MALRD1: variants seen among roughly 807,000 people sequenced by gnomAD.
MALRD1 encodes the protein MAM and LDL receptor class A domain containing 1, also known as MAM and LDL-receptor class A domain-containing protein 1.
A neutral mutation model predicts 242.1 loss-of-function variants in MALRD1; 247 were observed. The ratio of observed to expected loss-of-function variants is 1.02; its 90% CI spans 0.92 to 1.13. MALRD1 has a LOEUF of 1.13. Among genes scored for constraint, MALRD1 ranks in the 50% most tolerant of loss-of-function variants. The pLI, the probability that MALRD1 is intolerant of heterozygous loss-of-function variation, is 0.00. For synonymous variants in MALRD1, 995 were observed against 866.6 expected (o/e 1.15, Z -2.60); for missense variants, 2,989 against 2,533.1 (o/e 1.18, Z -3.86).
At chr10:19,285,308 T>C (rs1841052271) in intron 21 of MALRD1, among the ~76,000 whole-genome samples, 3 of 139,660 alleles carry the variant, frequency 2.1e-5, no homozygotes, top group Admixed American at 1.5e-4. Flanking sequence ...TTTGGTGTTT[T>C]GGACATGAAG....
At chr10:19,391,859 A>G (rs1299895635) in intron 28 of MALRD1, among the ~76,000 whole-genome samples, 2 of 152,190 alleles carry the variant, frequency 1.3e-5, no homozygotes, top group Non-Finnish European at 2.9e-5. Context: ...AGATCTTCAG[A>G]AAAGGGACTG....
chr10:19,330,159 T>A (rs1380424213), intron 23 of MALRD1, among the ~76,000 whole-genome samples: 2 of 151,992 alleles, frequency 1.3e-5, no homozygotes, highest in East Asian at 3.9e-4. Context: ...TTACTAATAT[T>A]TTTTTTCTTT....
At chr10:19,516,476 T>C (rs1278044723) in intron 31 of MALRD1, among the ~76,000 whole-genome samples, 24 of 152,220 alleles carry the variant, frequency 1.6e-4, no homozygotes, top group Non-Finnish European at 1.5e-5. Flanking sequence ...TGAAACTCAC[T>C]AATTTATTAA....
Position 19,631,421 on chromosome 10 carries a change from T to C in MALRD1, c.6137+15498T>C, listed in dbSNP as rs1022464030. Among the ~76,000 whole-genome samples, 34 of 152,212 alleles carry C rather than the reference T, an allele frequency of 2.2e-4. 1 individual carries two copies. The highest frequency in any genetic ancestry group is 8.2e-4 in the African/African-American group (34 of 41,458). ...GATTGGCATGTAAGTTGATCCCATA[T>C]CTTTGATATTGTGAATAGTGCTATA... On this transcript the variant is annotated intron_variant, in intron 36 of 39. Transcript: ENST00000454679.
intron 28 of MALRD1, among the ~76,000 whole-genome samples, chr10:19,395,095 T>C (rs572541058): frequency 9.2e-5 from 14 of 152,308 alleles, no homozygotes; most frequent in Admixed American, 2.6e-4. Flanking sequence ...ATCTTAGCAG[T>C]GTAATCTGCA....
chr10:19,415,335 CT>C (rs1034031848), intron 28 of MALRD1, among the ~76,000 whole-genome samples: 2 of 152,140 alleles, frequency 1.3e-5, no homozygotes, highest in Non-Finnish European at 2.9e-5. Flanking sequence ...GTTGCATAAA[CT>C]TTTCCTAAAA....
intron 29 of MALRD1, among the ~76,000 whole-genome samples, chr10:19,455,406 C>T (rs72784352): frequency 0.15 from 23,107 of 152,120 alleles, 2,085 homozygotes; most frequent in Middle Eastern, 0.23. Flanking sequence ...TTTATGTCAG[C>T]TGTTAATATC....
chr10:19,592,809 G>A (rs1279639856), intron 33 of MALRD1, among the ~76,000 whole-genome samples: 1 of 148,634 alleles, frequency 6.7e-6, no homozygotes, highest in Non-Finnish European at 1.5e-5. Context: ...ATAGGAACTG[G>A]GAAACATAAA....
intron 28 of MALRD1, among the ~76,000 whole-genome samples, chr10:19,402,588 G>A (rs554639570): frequency 7.6e-4 from 115 of 152,068 alleles, no homozygotes; most frequent in African/African-American, 2.7e-3. Flanking sequence ...ACCCACTCTT[G>A]GGTATGTCTT....
intron 36 of MALRD1, among the ~76,000 whole-genome samples, chr10:19,629,211 G>T (rs140180405): frequency 2.6e-4 from 40 of 152,296 alleles, no homozygotes; most frequent in African/African-American, 9.4e-4. Flanking sequence ...AGCATTCACA[G>T]TTGGTGCCTT....
intron 18 of MALRD1, among the ~76,000 whole-genome samples, chr10:19,225,214 T>C (rs1278252094): frequency 6.6e-6 from 1 of 152,168 alleles, no homozygotes; most frequent in Non-Finnish European, 1.5e-5. Flanking sequence ...TGAAGTCTGC[T>C]ATGGTTAAGG....
chr10:19,398,255 G>T (rs1846675860), intron 28 of MALRD1, among the ~76,000 whole-genome samples: 1 of 152,048 alleles, frequency 6.6e-6, no homozygotes, highest in Admixed American at 6.6e-5. Flanking sequence ...ATGTCATGAA[G>T]CATTTCTTCA....
intron 28 of MALRD1, among the ~76,000 whole-genome samples, chr10:19,431,063 T>C (rs1046540345): frequency 2.0e-5 from 3 of 152,224 alleles, no homozygotes; most frequent in Admixed American, 6.5e-5. Context: ...GTTACATAGA[T>C]AAATGTGTGC....
intron 38 of MALRD1, among the ~76,000 whole-genome samples, chr10:19,714,874 A>C (rs989064678): frequency 6.6e-6 from 1 of 152,124 alleles, no homozygotes; most frequent in South Asian, 2.1e-4. Context: ...TTGTGAAACT[A>C]TCACCCCTAC....
chr10:19,585,892 T>G (rs1837367214), intron 33 of MALRD1, among the ~76,000 whole-genome samples: 1 of 152,344 alleles, frequency 6.6e-6, no homozygotes, highest in Non-Finnish European at 1.5e-5. Context: ...TCTTTTCACA[T>G]AGTCCCATAT....
chr10:19,685,132 A>C (rs1488030865), intron 36 of MALRD1, among the ~76,000 whole-genome samples: 2 of 152,236 alleles, frequency 1.3e-5, no homozygotes, highest in Non-Finnish European at 2.9e-5. Flanking sequence ...CACATGGTCC[A>C]TAAATGCCCA....
intron 14 of MALRD1, among the ~76,000 whole-genome samples, chr10:19,188,349 A>T (rs1368218840): frequency 6.6e-6 from 1 of 152,206 alleles, no homozygotes; most frequent in Non-Finnish European, 1.5e-5. Context: ...GGTCATTTAG[A>T]GAAGGGCTCA....
chr10:19,438,105 C>T (rs983676263), intron 28 of MALRD1, among the ~76,000 whole-genome samples: 13 of 152,146 alleles, frequency 8.5e-5, no homozygotes, highest in African/African-American at 3.1e-4. Flanking sequence ...GTACCCATTA[C>T]ACTCTAACTC....
intron 26 of MALRD1, among the ~76,000 whole-genome samples, chr10:19,387,242 A>T (rs1846118072): frequency 6.6e-6 from 1 of 151,952 alleles, no homozygotes; most frequent in South Asian, 2.1e-4. Context: ...ACAGTTTACA[A>T]GGAATGTTGC....
Sources: gnomAD v4.1 joint callset for allele counts (sites outside exome capture counted in the v4.1 genomes callset) on GRCh38, gnomAD v4.1.1 for gene constraint, MANE v1.5 for transcripts, NCBI Gene and HGNC (gene_info 2026-07-23, HGNC 2026-07-21) for gene names.